The following FBXW12 variants were observed in gnomAD, a reference collection of about 807,000 sequenced individuals.
FBXW12 encodes the protein F-box/WD repeat-containing protein 12.
A neutral mutation model predicts 55.3 loss-of-function variants in FBXW12; 43 were observed. The ratio of observed to expected loss-of-function variants is 0.78; its 90% CI spans 0.61 to 1.00. The LOEUF (loss-of-function observed/expected upper bound fraction) is 1.00, where lower values mean the gene tolerates loss of function less well. Ranked by LOEUF, FBXW12 falls within the 50% of genes least tolerant of loss-of-function variation. The pLI, the probability that FBXW12 is intolerant of heterozygous loss-of-function variation, is 0.00. For missense variants in FBXW12, 524 were observed against 560.5 expected, an observed-to-expected ratio of 0.93 and a Z score of 0.66; for synonymous variants, 184 against 203.8, an observed-to-expected ratio of 0.90 and a Z score of 0.83.
At position 48,394,489 on chromosome 3, in the gene FBXW12, AAGTC is replaced by A; in HGVS notation, c.1296-67_1296-64del. The A allele has an allele frequency of 3.3e-5, 28 of 851,486 alleles. 1 individual carries two copies. The South Asian group carries it at 3.8e-4, about 12-fold the overall frequency. 52.7% of individuals were successfully genotyped at this position (851,486 alleles called of 1,614,324 possible). A position where few individuals can be genotyped will look rare whatever the true frequency, so the allele number is the denominator to read the frequency against. ...AGTATTGATATCTTAGTCAAGTTCT[AAGTC>A]AGTATTAACAATGGATGTACCTACT... On this transcript the variant is annotated intron_variant, in intron 10 of 10. Transcript: ENST00000296438.
intron 10 of FBXW12, among the ~76,000 whole-genome samples, chr3:48,389,894 C>G (rs1157161398): frequency 1.3e-5 from 2 of 152,114 alleles, no homozygotes; most frequent in Non-Finnish European, 2.9e-5. Context: ...AAGTAGGGGT[C>G]CACTTTCACT....
In FBXW12 at chr3:48,381,780, G is replaced by A. The variant is rs761118766; in HGVS notation, c.1066G>A (p.Val356Ile). Residue 356 changes from valine to isoleucine, a missense_variant, in exon 9 of 11, where the codon GTC becomes ATC. Physicochemically the swap from Val to Ile is conservative, Grantham distance 29. Coordinates refer to ENST00000296438, the MANE Select transcript of FBXW12 (RefSeq NM_207102.2). The stretch of plus-strand genomic sequence containing the variant: ...GGGAGCCAGTGATGGATATATGATT[G>A]TCTTTACCAGTGGACCATACTTGTT... ...WMGASDGYMI[V>I]FTSGPYLLLF... The A allele has an allele frequency of 8.1e-6, 13 of 1,612,510 alleles. No individual in the cohort carries two copies. Among genetic ancestry groups the A allele is most frequent in the Non-Finnish European group, 1.1e-5 (13 of 1,179,036 alleles).
chr3:48,381,882 T>C lies in FBXW12; in HGVS notation c.1164+4T>C, dbSNP rs1332166523. 2 of 1,608,838 alleles carry C rather than the reference T, an allele frequency of 1.2e-6. No homozygotes were observed. The highest frequency in any genetic ancestry group is 1.7e-5 in the Admixed American group (1 of 59,800). On this transcript the variant is annotated splice_donor_region_variant and intron_variant, in intron 9 of 10. Coordinates refer to ENST00000296438, the MANE Select transcript of FBXW12 (RefSeq NM_207102.2). ...AGCCATCAACAACTTCTGGGTGGTATGTATGATTCTCCTCCACTGCTTTTT... is the reference window on the plus strand; with the variant it reads ...AGCCATCAACAACTTCTGGGTGGTACGTATGATTCTCCTCCACTGCTTTTT...
rs767176942 is a variant in FBXW12 at position 48,382,085 on chromosome 3, G to C, written c.1295G>C (p.Ser432Thr). ...ACGTGGCATGATCACACAACAGACA[G>C]GTAAGCTCTGTTTTGTGATGTAAAC... ...ENTWHDHTTD[S>T]CISSVMCDNA... Residue 432 changes from serine to threonine, a missense_variant and splice_region_variant, in exon 10 of 11, where the codon AGC (serine) becomes ACC (threonine). Ser to Thr is a moderately conservative substitution (Grantham distance 58). Coordinates refer to ENST00000296438, the MANE Select transcript of FBXW12 (RefSeq NM_207102.2). 6.2e-7 allele frequency: 1 copy of C among 1,613,600 alleles called. No homozygotes were observed. The highest frequency in any genetic ancestry group is 2.2e-5 in the East Asian group (1 of 44,880).
At chr3:48,381,907 T>C in intron 9 of FBXW12, 29 bp downstream of exon 9, 1 of 1,611,930 alleles carries the variant, frequency 6.2e-7, no homozygotes, top group Non-Finnish European at 8.5e-7. Context: ...CACTGCTTTT[T>C]GATCTGACTT....
chr3:48,373,452 G>C (rs2036633034), intron 3 of FBXW12, 96 bp from the exon 4 acceptor site: 3 of 1,606,020 alleles, frequency 1.9e-6, no homozygotes, highest in Non-Finnish European at 2.6e-6. Flanking sequence ...ATATACACAG[G>C]AAAGTTAGTG....
At chr3:48,384,764 A>C (rs965364987) in intron 10 of FBXW12, among the ~76,000 whole-genome samples, 1 of 152,166 alleles carries the variant, frequency 6.6e-6, no homozygotes, top group African/African-American at 2.4e-5. Flanking sequence ...AATTGATATA[A>C]GCATATAGTT....
chr3:48,372,279 C>T lies in FBXW12; in HGVS notation c.-126C>T, dbSNP rs776538480. On this transcript the variant is annotated 5_prime_UTR_variant, in exon 1 of 11. Coordinates refer to ENST00000296438, the MANE Select transcript of FBXW12 (RefSeq NM_207102.2). ...GGTAGAAACCCAGAGGCCATGCTGG[C>T]GCTGAGAGATGAGCCCCACTCACCA... 52 of 1,551,984 alleles carry T rather than the reference C, an allele frequency of 3.4e-5. 1 individual carries two copies. The Admixed American group carries it at 4.1e-4, about 12-fold the overall frequency.
At chr3:48,374,405 G>C (rs2036652782) in intron 4 of FBXW12, among the ~76,000 whole-genome samples, 1 of 150,026 alleles carries the variant, frequency 6.7e-6, no homozygotes, top group Non-Finnish European at 1.5e-5. Context: ...TCGGCTCACT[G>C]CAGCCTCTGT....
intron 6 of FBXW12, 78 bp from the exon 7 acceptor site, chr3:48,379,322 G>C: frequency 7.5e-7 from 1 of 1,338,698 alleles, no homozygotes; most frequent in Non-Finnish European, 1.1e-6. Context: ...ATATCTTGCA[G>C]CTCATAGTGC....
chr3:48,376,022 C>T (rs1393452024), intron 5 of FBXW12, among the ~76,000 whole-genome samples: 1 of 123,290 alleles, frequency 8.1e-6, no homozygotes, highest in African/African-American at 3.2e-5. Context: ...CACTGTGTTG[C>T]CCAGGCTGGA....
chr3:48,389,046 A>T (rs952657353), intron 10 of FBXW12, among the ~76,000 whole-genome samples: 26 of 152,100 alleles, frequency 1.7e-4, no homozygotes, highest in Admixed American at 3.9e-4. Context: ...GCCTCTGGTA[A>T]ACACCATTCT....
intron 10 of FBXW12, among the ~76,000 whole-genome samples, chr3:48,382,318 T>C (rs2036789374): frequency 6.6e-6 from 1 of 152,310 alleles, no homozygotes; most frequent in South Asian, 2.1e-4. Context: ...GGTTTCCCCA[T>C]GTTGGCCAGG....
At position 48,379,519 on chromosome 3, in the gene FBXW12, G is replaced by C. The variant is rs771600402; in HGVS notation, c.735G>C (p.Trp245Cys). The change falls in exon 7 of 11, where the codon TGG becomes TGC. Residue 245 changes from tryptophan to cysteine, a missense_variant. Coordinates refer to ENST00000296438, the MANE Select transcript of FBXW12 (RefSeq NM_207102.2). ...VLLHCSPDKK[W>C]VFACGTYSRT... is the part of the protein sequence containing the mutation. Reference sequence around the variant, plus strand: ...TACACTGCTCTCCTGACAAGAAATGGGTATTTGCATGTGGGACATACAGTC... The same window carrying C: ...TACACTGCTCTCCTGACAAGAAATGCGTATTTGCATGTGGGACATACAGTC... The C allele has an allele frequency of 5.0e-6, 8 of 1,614,092 alleles. No homozygotes were observed. The highest frequency in any genetic ancestry group is 1.6e-4 in the Middle Eastern group (1 of 6,062).
Position 48,373,705 on chromosome 3 carries a change from G to T in FBXW12, c.286G>T (p.Ala96Ser). Residue 96 changes from alanine (A) to serine (S), a missense_variant and splice_region_variant, in exon 4 of 11, where the codon GCA becomes TCA. By Grantham distance (99) the Ala-to-Ser change is moderately conservative. Coordinates refer to ENST00000296438, the MANE Select transcript of FBXW12 (RefSeq NM_207102.2). ...TATCTACAAAGTAACTAAGAACATC[G>T]GTATGGGTATAGGTGCCCTAGAGGA... ...NFIYKVTKNIAFETELAYLSG... is the reference protein window; with the variant it reads ...NFIYKVTKNISFETELAYLSG... 6.2e-7 allele frequency: 1 copy of T among 1,613,348 alleles called. No homozygotes were observed. Among genetic ancestry groups the T allele is most frequent in the South Asian group, 1.1e-5 (1 of 91,022 alleles).
intron 10 of FBXW12, among the ~76,000 whole-genome samples, chr3:48,384,324 C>A (rs566751763): frequency 7.9e-5 from 12 of 152,198 alleles, no homozygotes; most frequent in African/African-American, 2.6e-4. Flanking sequence ...TGTCTTATTT[C>A]AATTTCCATT....
intron 7 of FBXW12, 85 bp downstream of exon 7, chr3:48,379,643 A>G: frequency 9.1e-7 from 1 of 1,093,218 alleles, no homozygotes; most frequent in Non-Finnish European, 1.4e-6. Flanking sequence ...CTCAGTGAGG[A>G]CCAGGCACAC....
At chr3:48,372,954 C>CT in intron 2 of FBXW12, 97 bp downstream of exon 2, 1 of 1,159,208 alleles carries the variant, frequency 8.6e-7, no homozygotes, top group Non-Finnish European at 1.3e-6. Context: ...TACACTGAGG[C>CT]TTTGGGGGTT....
At position 48,394,677 on chromosome 3, in the gene FBXW12, T is replaced by C. The variant is rs1180138782; in HGVS notation, c.*18T>C. The stretch of plus-strand genomic sequence containing the variant: ...ATACGTAATATGGAAACTAACAAAA[T>C]TGACCTTGCATCATCTTCTGCAATG... On this transcript the variant is annotated 3_prime_UTR_variant, in exon 11 of 11. Transcript: ENST00000296438. 1 of 1,326,456 alleles carries C rather than the reference T, an allele frequency of 7.5e-7. No homozygotes were observed. The highest frequency in any genetic ancestry group is 1.1e-6 in the Non-Finnish European group (1 of 933,022). 82.2% of individuals were successfully genotyped at this position (1,326,456 alleles called of 1,614,324 possible). A position where few individuals can be genotyped will look rare whatever the true frequency, so the allele number is the denominator to read the frequency against.
Sources: gnomAD v4.1 joint callset for allele counts (sites outside exome capture counted in the v4.1 genomes callset) on GRCh38, gnomAD v4.1.1 for gene constraint, MANE v1.5 for transcripts, NCBI Gene and HGNC (gene_info 2026-07-23, HGNC 2026-07-21) for gene names.